The following SPON1 variants were observed in gnomAD, a reference collection of about 807,000 sequenced individuals.
SPON1 encodes spondin 1.
A neutral mutation model predicts 111.7 loss-of-function variants in SPON1; 52 were observed. The ratio of observed to expected loss-of-function variants is 0.47; its 90% CI spans 0.37 to 0.59. The LOEUF (loss-of-function observed/expected upper bound fraction) is 0.59, where lower values mean the gene tolerates loss of function less well. Ranked by LOEUF, SPON1 falls within the 20% of genes least tolerant of loss-of-function variation. The probability of loss-of-function intolerance (pLI) is 0.00; values close to 1 mark genes in which losing one functional copy is unlikely to be tolerated. For missense variants in SPON1, 957 were observed against 1,068.5 expected, an observed-to-expected ratio of 0.90 and a Z score of 1.46; for synonymous variants, 410 against 395.8, an observed-to-expected ratio of 1.04 and a Z score of -0.43.
intron 6 of SPON1, among the ~76,000 whole-genome samples, chr11:14,241,515 G>A (rs782743944): frequency 2.0e-5 from 3 of 152,258 alleles, no homozygotes; most frequent in Non-Finnish European, 2.9e-5. Context: ...GACTGGTGTC[G>A]GGGGTGAAGG....
chr11:14,107,021 CATT>C (rs1313143497), intron 5 of SPON1, among the ~76,000 whole-genome samples: 2 of 152,146 alleles, frequency 1.3e-5, no homozygotes, highest in Non-Finnish European at 2.9e-5. Context: ...CTCTGTCTAA[CATT>C]ATAAGCTTGC....
chr11:13,967,368 G>A (rs1346341725), intron 1 of SPON1, among the ~76,000 whole-genome samples: 1 of 152,094 alleles, frequency 6.6e-6, no homozygotes, highest in Non-Finnish European at 1.5e-5. Context: ...AATATAAAGT[G>A]ATAAATCCTT....
At chr11:14,124,145 CTGAT>C in intron 5 of SPON1, among the ~76,000 whole-genome samples, 1 of 152,210 alleles carries the variant, frequency 6.6e-6, no homozygotes, top group Non-Finnish European at 1.5e-5. Flanking sequence ...GCCTGGCTGA[CTGAT>C]CTCATCACTG....
At chr11:14,173,137 A>G (rs1848127832) in intron 6 of SPON1, among the ~76,000 whole-genome samples, 1 of 151,846 alleles carries the variant, frequency 6.6e-6, no homozygotes, top group African/African-American at 2.4e-5. Flanking sequence ...CACCAATCAG[A>G]TGTAGATTTG....
intron 2 of SPON1, among the ~76,000 whole-genome samples, chr11:13,987,927 C>T (rs1848198138): frequency 6.6e-6 from 1 of 152,134 alleles, no homozygotes; most frequent in African/African-American, 2.4e-5. Context: ...GTTTTGGTAC[C>T]AGTATCATGC....
rs200467997 is a variant in SPON1 at position 14,232,894 on chromosome 11, CA to C, written c.826-10437del. Among the ~76,000 whole-genome samples the C allele has an allele frequency of 5.5e-4, 84 of 152,216 alleles. 1 individual carries two copies. Among genetic ancestry groups the C allele is most frequent in the African/African-American group, 1.8e-3 (76 of 41,530 alleles). ...AGCGGCGGCAGCAGTGAGCACATGGCAGGGGGGGCAGTAGGGCAGCAGTAAA... is the reference window on the plus strand; with the variant it reads ...AGCGGCGGCAGCAGTGAGCACATGGCGGGGGGGCAGTAGGGCAGCAGTAAA... On this transcript the variant is annotated intron_variant, in intron 6 of 15. Transcript: ENST00000576479.
chr11:14,037,703 A>G (rs1407285031), intron 2 of SPON1, among the ~76,000 whole-genome samples: 1 of 152,236 alleles, frequency 6.6e-6, no homozygotes, highest in Non-Finnish European at 1.5e-5. Context: ...CACCAAAAGC[A>G]TTATCCATGA....
chr11:14,174,592 C>T (rs1261205000), intron 6 of SPON1, among the ~76,000 whole-genome samples: 1 of 150,536 alleles, frequency 6.6e-6, no homozygotes, highest in African/African-American at 2.5e-5. Flanking sequence ...TCTGTTTTCC[C>T]AATGAGTCCG....
At chr11:14,195,112 A>AAG in intron 6 of SPON1, among the ~76,000 whole-genome samples, 1 of 152,332 alleles carries the variant, frequency 6.6e-6, no homozygotes, top group East Asian at 1.9e-4. Flanking sequence ...AGTAGCCAGA[A>AAG]AGAATGTCTT....
intron 2 of SPON1, among the ~76,000 whole-genome samples, chr11:14,024,917 A>G (rs1211410489): frequency 6.6e-6 from 1 of 152,194 alleles, no homozygotes; most frequent in African/African-American, 2.4e-5. Context: ...GCAGTCTGCT[A>G]TGATTAGAAC....
chr11:14,072,694 A>G (rs1848886445), intron 3 of SPON1, among the ~76,000 whole-genome samples: 1 of 152,202 alleles, frequency 6.6e-6, no homozygotes, highest in Non-Finnish European at 1.5e-5. Flanking sequence ...TATCCTGTAG[A>G]TGACTGATTT....
At chr11:14,126,908 T>A (rs1204759612) in intron 5 of SPON1, among the ~76,000 whole-genome samples, 2 of 152,146 alleles carry the variant, frequency 1.3e-5, no homozygotes, top group African/African-American at 4.8e-5. Flanking sequence ...AACCACCTCA[T>A]TCTGCAGGCC....
intron 6 of SPON1, among the ~76,000 whole-genome samples, chr11:14,173,526 T>C (rs1848134440): frequency 6.6e-6 from 1 of 152,214 alleles, no homozygotes; most frequent in African/African-American, 2.4e-5. Flanking sequence ...CTTTGTTCCG[T>C]TGCTGATGAG....
chr11:14,096,071 C>T lies in SPON1; in HGVS notation c.676+16050C>T, dbSNP rs963548190. On this transcript the variant is annotated intron_variant, in intron 5 of 15. Coordinates refer to ENST00000576479, the MANE Select transcript of SPON1 (RefSeq NM_006108.4). ...GGAATTTGGCACCCAACACTTGTGT[C>T]GTCATACACAGTTTCAGTGAAAGAA... is the stretch of plus-strand genomic sequence containing the variant. Among the ~76,000 whole-genome samples, 3 of 152,172 alleles carry T rather than the reference C, an allele frequency of 2.0e-5. No individual in the cohort carries two copies. The East Asian group carries it at 5.8e-4, about 29-fold the overall frequency.
In SPON1 at chr11:14,238,209, T is replaced by C. The variant is rs527967239; in HGVS notation, c.826-5123T>C. ...ACCTGTTTCTATTCCTTTCCCTCTC[T>C]GATCATGGATTGCATCCCATTTCTC... On this transcript the variant is annotated intron_variant, in intron 6 of 15. Coordinates refer to ENST00000576479, the MANE Select transcript of SPON1 (RefSeq NM_006108.4). 2.0e-5 allele frequency among the ~76,000 whole-genome samples: 3 copies of C among 152,304 alleles called. No individual in the cohort carries two copies. In the South Asian group the frequency reaches 6.2e-4, roughly 32 times the overall value.
chr11:14,246,096 G>T (rs1554940235), intron 7 of SPON1, among the ~76,000 whole-genome samples: 1 of 152,210 alleles, frequency 6.6e-6, no homozygotes, highest in Non-Finnish European at 1.5e-5. Context: ...GGGATGAAAG[G>T]CAGGTAGGGG....
intron 6 of SPON1, among the ~76,000 whole-genome samples, chr11:14,181,995 G>C (rs1404140081): frequency 6.6e-6 from 1 of 152,148 alleles, no homozygotes; most frequent in Non-Finnish European, 1.5e-5. Context: ...TTGTCAAGGG[G>C]TACCTGGGAA....
chr11:14,127,861 G>T (rs186903173), intron 5 of SPON1, among the ~76,000 whole-genome samples: 2 of 152,312 alleles, frequency 1.3e-5, no homozygotes, highest in South Asian at 2.1e-4. Flanking sequence ...GGCAGAAGGT[G>T]AAAGACAAGC....
intron 6 of SPON1, among the ~76,000 whole-genome samples, chr11:14,235,439 G>A (rs1451299416): frequency 6.6e-6 from 1 of 152,120 alleles, no homozygotes; most frequent in Non-Finnish European, 1.5e-5. Context: ...AACACTTTGG[G>A]AGGCTGAGGC....
Sources: allele counts gnomAD v4.1 joint callset (sites outside exome capture counted in the v4.1 genomes callset), GRCh38; gene constraint gnomAD v4.1.1; transcripts MANE v1.5; gene names NCBI Gene and HGNC (gene_info 2026-07-23, HGNC 2026-07-21).